Variants in ODC1 observed in about 807,000 individuals in gnomAD.
The protein encoded by ODC1 is ornithine decarboxylase 1, also known as ornithine decarboxylase.
A neutral mutation model predicts 41.5 loss-of-function variants in ODC1; 18 were observed. That is an observed-to-expected ratio of 0.43 (90% CI 0.30 to 0.64). ODC1 has a LOEUF of 0.64. Among genes scored for constraint, ODC1 ranks in the 30% least tolerant of loss-of-function variants. The pLI, the probability that ODC1 is intolerant of heterozygous loss-of-function variation, is 0.11. For synonymous variants in ODC1, 218 were observed against 211.6 expected (o/e 1.03, Z -0.26); for missense variants, 504 against 589.0 (o/e 0.86, Z 1.49).
intron 1 of ODC1, among the ~76,000 whole-genome samples, chr2:10,445,629 C>G (rs2148071410): frequency 6.6e-6 from 1 of 152,272 alleles, no homozygotes; most frequent in Non-Finnish European, 1.5e-5. Context: ...CTTAAAATAG[C>G]ATTATAGACT....
Position 10,440,813 on chromosome 2 carries a change from C to G in ODC1, c.1297G>C (p.Asp433His). The G allele has an allele frequency of 6.2e-7, 1 of 1,614,068 alleles. No individual in the cohort carries two copies. The highest frequency in any genetic ancestry group is 8.5e-7 in the Non-Finnish European group (1 of 1,179,990). ...CAAGACACAGGCAGGGTGCTGGCAT[C>G]CTGTTCCTCTACTTCGGGTGGGAAG... ...PDFPPEVEEQ[D>H]ASTLPVSCAW... Residue 433 changes from aspartate to histidine, a missense_variant, in exon 12 of 12, where the codon GAT becomes CAT. By Grantham distance (81) the Asp-to-His change is moderately conservative. This residue lies in a region of ODC1 where 447 missense variants were observed against 524.4 expected (regional missense o/e 0.85). Transcript: ENST00000234111.
chr2:10,446,657 T>C, intron 1 of ODC1: 1 of 312,632 alleles, frequency 3.2e-6, no homozygotes, highest in Non-Finnish European at 6.1e-6. Context: ...CCAGCTTTCT[T>C]AAAATTATTT....
chr2:10,441,281 A>C (rs1297187733), intron 11 of ODC1, among the ~76,000 whole-genome samples: 3 of 152,202 alleles, frequency 2.0e-5, no homozygotes, highest in African/African-American at 7.2e-5. Flanking sequence ...GCGTTTCTTC[A>C]GTCACCGTTT....
chr2:10,442,271 A>G, intron 8 of ODC1, 97 bp from the exon 9 acceptor site: 1 of 1,243,180 alleles, frequency 8.0e-7, no homozygotes, highest in East Asian at 2.4e-5. Flanking sequence ...ACATCATGAG[A>G]CCAGGCATCA....
At chr2:10,444,289 A>C (rs906180098) in intron 4 of ODC1, 22 bp from the exon 5 acceptor site, 3 of 1,561,432 alleles carry the variant, frequency 1.9e-6, no homozygotes. Flanking sequence ...GAGTGGTGTC[A>C]TGCTATCCAT....
At chr2:10,447,371 C>T (rs1009217974) in intron 1 of ODC1, 7 of 152,240 alleles carry the variant, frequency 4.6e-5, no homozygotes, top group Non-Finnish European at 1.0e-4. Flanking sequence ...AGTCAGCCAA[C>T]ACATTCTTTG....
Position 10,443,690 on chromosome 2 carries a change from C to G in ODC1, c.584+12G>C, listed in dbSNP as rs1671912151. 1.2e-6 allele frequency: 2 copies of G among 1,613,570 alleles called. No individual in the cohort carries two copies. Among genetic ancestry groups the G allele is most frequent in the African/African-American group, 2.7e-5 (2 of 74,918 alleles). ...AATGTCTTGACCTCTAGCTATCCCA[C>G]CAAAATCTCACCTGACACCAACAAC... is the stretch of plus-strand genomic sequence containing the variant. On this transcript the variant is annotated intron_variant, in intron 6 of 11. Transcript: ENST00000234111.
At chr2:10,441,144 G>A (rs931915003) in intron 11 of ODC1, among the ~76,000 whole-genome samples, 1 of 151,946 alleles carries the variant, frequency 6.6e-6, no homozygotes, top group Non-Finnish European at 1.5e-5. Context: ...GTAGAGACAG[G>A]GTCTCACTAT....
At position 10,441,655 on chromosome 2, in the gene ODC1, C is replaced by A. The variant is rs753755245; in HGVS notation, c.1095G>T (p.Arg365=). The A allele has an allele frequency of 1.4e-5, 23 of 1,614,094 alleles. No homozygotes were observed. Among genetic ancestry groups the A allele is most frequent in the Non-Finnish European group, 3.4e-6 (4 of 1,180,054 alleles). Residue 365 remains arginine (R), a synonymous_variant, in exon 11 of 12, where the codon CGG becomes CGT. Transcript: ENST00000234111. ...IWGPTCDGLD[R]IVERCDLPEM... Reference sequence around the variant, plus strand: ...CAGGCAGGTCACAGCGCTCAACAATCCGATCGAGGCCATCACATGTTGGTC... The same window carrying A: ...CAGGCAGGTCACAGCGCTCAACAATACGATCGAGGCCATCACATGTTGGTC...
intron 1 of ODC1, among the ~76,000 whole-genome samples, chr2:10,446,110 T>C (rs979924227): frequency 5.3e-5 from 8 of 151,912 alleles, no homozygotes. Flanking sequence ...TTACAGTTGC[T>C]GTTACCTGAT....
At chr2:10,446,043 T>TAGCTGGGTATA (rs1479566208) in intron 1 of ODC1, among the ~76,000 whole-genome samples, 1 of 152,238 alleles carries the variant, frequency 6.6e-6, no homozygotes, top group African/African-American at 2.4e-5. Context: ...TTTCATGTAT[T>TAGCTGGGTATA]AGCTGGGTAT....
chr2:10,444,793 A>G lies in ODC1; in HGVS notation c.102+138T>C, dbSNP rs1354305311. ...TATGAGTATCACCATTATCACTATT[A>G]ATTTACCACCAGTGAATTAATTTCT... On this transcript the variant is annotated intron_variant, in intron 3 of 11. Transcript: ENST00000234111. 8 of 829,322 alleles carry G rather than the reference A, an allele frequency of 9.6e-6. No individual in the cohort carries two copies. In the Admixed American group the frequency reaches 2.0e-4, roughly 21 times the overall value. 51.4% of individuals were successfully genotyped at this position (829,322 alleles called of 1,614,324 possible).
At chr2:10,441,104 T>C (rs1418005833) in intron 11 of ODC1, among the ~76,000 whole-genome samples, 1 of 152,044 alleles carries the variant, frequency 6.6e-6, no homozygotes, top group Non-Finnish European at 1.5e-5. Flanking sequence ...AGGCGCCCAC[T>C]ACCATGGCCA....
rs1158185706 is a variant in ODC1, at chr2:10,443,535, G to A, written c.621C>T (p.Thr207=). ...GGGCATCAGAGATTGCCTGCACGAA[G>A]GTCTCAGGATCGGTACAGCCGCTTC... ...HVGSGCTDPE[T]FVQAISDARC... is the part of the protein sequence containing the mutation. Residue 207 remains threonine (T), a synonymous_variant, in exon 7 of 12, where the codon ACC becomes ACT. Coordinates refer to ENST00000234111, the MANE Select transcript of ODC1 (RefSeq NM_002539.3). 1.2e-6 allele frequency: 2 copies of A among 1,613,878 alleles called. No homozygotes were observed. The highest frequency in any genetic ancestry group is 2.7e-5 in the African/African-American group (2 of 74,902).
intron 1 of ODC1, among the ~76,000 whole-genome samples, chr2:10,445,994 A>G (rs1318636675): frequency 6.6e-6 from 1 of 152,222 alleles, no homozygotes; most frequent in Non-Finnish European, 1.5e-5. Flanking sequence ...AACAGGCATC[A>G]TGGAAATGTC....
chr2:10,444,917 C>T lies in ODC1; in HGVS notation c.102+14G>A, dbSNP rs771896946. 1.9e-6 allele frequency: 3 copies of T among 1,571,846 alleles called. No individual in the cohort carries two copies. The highest frequency in any genetic ancestry group is 2.2e-5 in the East Asian group (1 of 44,692). On this transcript the variant is annotated intron_variant, in intron 3 of 11. Coordinates refer to ENST00000234111, the MANE Select transcript of ODC1 (RefSeq NM_002539.3). ...CTCTCAGCTGCACTGCCAGCATGGG[C>T]CTCATATACTTACAGAAGAAGAAAC... is the stretch of plus-strand genomic sequence containing the variant.
chr2:10,443,676 C>G (rs200204650), intron 6 of ODC1, 26 bp downstream of exon 6: 3 of 1,613,188 alleles, frequency 1.9e-6, no homozygotes, highest in South Asian at 1.1e-5. Context: ...ATGTCTTGAC[C>G]TCTAGCTATC....
In ODC1 at chr2:10,443,303, C is replaced by T. The variant is rs1216164706; in HGVS notation, c.677G>A (p.Gly226Asp). The change falls in exon 8 of 12, where the codon GGT becomes GAT. Residue 226 changes from glycine to aspartate, a missense_variant. Physicochemically the swap from Gly to Asp is moderately conservative, Grantham distance 94 (BLOSUM62 -1). This residue lies in a region of ODC1 where 447 missense variants were observed against 524.4 expected (regional missense o/e 0.85). Coordinates refer to ENST00000234111, the MANE Select transcript of ODC1 (RefSeq NM_002539.3). The stretch of plus-strand genomic sequence containing the variant: ...AATATCAAGCAGATACATGCTGAAA[C>T]CAACCTCAGCCTAGAATCAAGAAAA... ...RCVFDMGAEV[G>D]FSMYLLDIGG... is the part of the protein sequence containing the mutation. The T allele has an allele frequency of 2.5e-6, 4 of 1,610,592 alleles. No homozygotes were observed. The highest frequency in any genetic ancestry group is 1.7e-5 in the Admixed American group (1 of 58,824).
chr2:10,442,208 T>C, intron 8 of ODC1, 34 bp from the exon 9 acceptor site: 1 of 1,565,536 alleles, frequency 6.4e-7, no homozygotes, highest in East Asian at 2.3e-5. Flanking sequence ...AAGAGCAGCC[T>C]TCATTGTGGG....
Sources: allele counts gnomAD v4.1 joint callset (sites outside exome capture counted in the v4.1 genomes callset), GRCh38; gene constraint gnomAD v4.1.1; regional missense constraint gnomAD v4.1.1; transcripts MANE v1.5; gene names NCBI Gene and HGNC (gene_info 2026-07-23, HGNC 2026-07-21).